HDAC8: variants seen among roughly 807,000 people sequenced by gnomAD.
HDAC8 encodes histone deacetylase 8, also known as histone deacetylase-like 1.
HDAC8 carries 1 observed loss-of-function variant against 32.2 expected under a neutral mutation model. That is an observed-to-expected ratio of 0.03 (90% CI 0.01 to 0.15). HDAC8 has a LOEUF of 0.15. Ranked by LOEUF, HDAC8 falls within the 10% of genes least tolerant of loss-of-function variation. The pLI is 1.00. For synonymous variants in HDAC8, 108 were observed against 113.9 expected (o/e 0.95, Z 0.33); for missense variants, 117 against 300.0 (o/e 0.39, Z 4.51).
rs2048257701 is a variant in HDAC8, at chrX:72,473,966, A to G, written c.738-9235T>C. The G allele has an allele frequency of 6.0e-6, 4 of 662,243 alleles. No homozygotes were observed. In the South Asian group the frequency reaches 2.4e-4, roughly 39 times the overall value. 54.6% of individuals were successfully genotyped at this position (662,243 alleles called of 1,213,427 possible). ...CTCCATGCACTTTACAGTCCAGCCA[A>G]ACTAAAACCACTGCTATTCTTTGTA... On this transcript the variant is annotated intron_variant, in intron 7 of 10. Coordinates refer to ENST00000373573, the MANE Select transcript of HDAC8 (RefSeq NM_018486.3).
At chrX:72,502,032 A>G (rs2049234338) in intron 4 of HDAC8, among the ~76,000 whole-genome samples, 1 of 112,188 alleles carries the variant, frequency 8.9e-6, no homozygotes, top group South Asian at 3.7e-4. Context: ...CTCAATATCA[A>G]TGATCATTAG....
intron 9 of HDAC8, among the ~76,000 whole-genome samples, chrX:72,446,271 G>A (rs1431487525): frequency 8.9e-6 from 1 of 112,057 alleles, no homozygotes; most frequent in African/African-American, 3.2e-5. Context: ...AATAGCAAAG[G>A]CTTGGAACCA....
chrX:72,469,139 C>A (rs781916294), intron 7 of HDAC8, among the ~76,000 whole-genome samples: 1 of 85,959 alleles, frequency 1.2e-5, no homozygotes, highest in African/African-American at 6.3e-5. Context: ...ACTGTAACTC[C>A]TATTCCCTAG....
chrX:72,330,314 G>A (rs923300589), intron 10 of HDAC8, among the ~76,000 whole-genome samples: 1 of 111,372 alleles, frequency 9.0e-6, no homozygotes, highest in African/African-American at 3.3e-5. Flanking sequence ...ACATGTGATC[G>A]AGGCCTTTGA....
At chrX:72,388,595 T>TACACAC (rs59374504) in intron 9 of HDAC8, among the ~76,000 whole-genome samples, 5,301 of 88,297 alleles carry the variant, frequency 0.06, 410 homozygotes, top group African/African-American at 0.19. Context: ...CCACAGTGAT[T>TACACAC]ACACACACAC....
chrX:72,502,992 T>C, intron 4 of HDAC8, among the ~76,000 whole-genome samples: 1 of 112,267 alleles, frequency 8.9e-6, no homozygotes, highest in East Asian at 2.8e-4. Flanking sequence ...TATCTCATTT[T>C]CCATACCACA....
intron 4 of HDAC8, among the ~76,000 whole-genome samples, chrX:72,539,398 AT>A (rs782147071): frequency 1.4e-3 from 135 of 97,384 alleles, no homozygotes; most frequent in Non-Finnish European, 1.1e-3. Flanking sequence ...TGCCCAGCTA[AT>A]TTTTTTTTTT....
At chrX:72,373,408 T>A (rs2044947971) in intron 9 of HDAC8, among the ~76,000 whole-genome samples, 1 of 112,524 alleles carries the variant, frequency 8.9e-6, no homozygotes, top group African/African-American at 3.2e-5. Flanking sequence ...CAACCAGTAA[T>A]CTACTTTCTG....
intron 9 of HDAC8, among the ~76,000 whole-genome samples, chrX:72,417,897 AC>A (rs1162757440): frequency 9.0e-6 from 1 of 111,327 alleles, no homozygotes; most frequent in African/African-American, 3.3e-5. Context: ...CAGAATACAA[AC>A]CCCTGAAATA....
chrX:72,450,620 TA>T (rs1226092260), intron 9 of HDAC8, among the ~76,000 whole-genome samples: 1 of 110,225 alleles, frequency 9.1e-6, no homozygotes, highest in East Asian at 2.8e-4. Context: ...TGAGATGAAA[TA>T]AAAAAAATTC....
chrX:72,480,822 A>G (rs1169428712), intron 7 of HDAC8, among the ~76,000 whole-genome samples: 3 of 110,341 alleles, frequency 2.7e-5, no homozygotes, highest in Non-Finnish European at 5.7e-5. Flanking sequence ...CAAACACTGC[A>G]TGTTCTTCCT....
intron 9 of HDAC8, among the ~76,000 whole-genome samples, chrX:72,362,072 A>G (rs1555952835): frequency 9.1e-6 from 1 of 109,979 alleles, no homozygotes; most frequent in Non-Finnish European, 1.9e-5. Flanking sequence ...TTTGCTCTAC[A>G]CTGATGTAGT....
chrX:72,339,106 A>G (rs1446945607), intron 10 of HDAC8, among the ~76,000 whole-genome samples: 1 of 111,331 alleles, frequency 9.0e-6, no homozygotes, highest in African/African-American at 3.3e-5. Flanking sequence ...GAGAAAAATC[A>G]TTGTAGGGAT....
chrX:72,496,377 CACTG>C (rs1556013109), intron 4 of HDAC8, among the ~76,000 whole-genome samples: 1 of 110,429 alleles, frequency 9.1e-6, no homozygotes, highest in South Asian at 3.8e-4. Context: ...TATCTTTAGA[CACTG>C]ACTTTGCTTC....
At chrX:72,428,439 C>T (rs782466554) in intron 9 of HDAC8, among the ~76,000 whole-genome samples, 1 of 112,260 alleles carries the variant, frequency 8.9e-6, no homozygotes, top group East Asian at 2.8e-4. Context: ...CTTTTGCTTT[C>T]CTGGTGCCTG....
intron 4 of HDAC8, among the ~76,000 whole-genome samples, chrX:72,549,959 C>A (rs1040311106): frequency 1.9e-4 from 21 of 111,927 alleles, no homozygotes; most frequent in African/African-American, 6.5e-4. Flanking sequence ...GCATGTCTGA[C>A]AACGTTACTT....
chrX:72,345,435 T>C (rs1230617406), intron 10 of HDAC8, among the ~76,000 whole-genome samples: 1 of 111,154 alleles, frequency 9.0e-6, no homozygotes, highest in Non-Finnish European at 1.9e-5. Flanking sequence ...TGTTACACAA[T>C]GTCTTCGGGT....
At chrX:72,511,584 G>A (rs1556021955) in intron 4 of HDAC8, among the ~76,000 whole-genome samples, 1 of 111,952 alleles carries the variant, frequency 8.9e-6, no homozygotes, top group Non-Finnish European at 1.9e-5. Context: ...ATTGGCTGGA[G>A]TTTATATTAG....
intron 7 of HDAC8, among the ~76,000 whole-genome samples, chrX:72,484,381 T>C (rs1556004702): frequency 2.7e-5 from 3 of 112,106 alleles, no homozygotes; most frequent in Non-Finnish European, 5.6e-5. Context: ...TTTAATAGAA[T>C]CTTTTATAAG....
Sources: allele counts gnomAD v4.1 joint callset (sites outside exome capture counted in the v4.1 genomes callset), GRCh38; gene constraint gnomAD v4.1.1; transcripts MANE v1.5; gene names NCBI Gene and HGNC (gene_info 2026-07-23, HGNC 2026-07-21).